The following PLSCR2 variants were observed in gnomAD, a reference collection of about 807,000 sequenced individuals.
The protein encoded by PLSCR2 is PL scramblase 2.
A neutral mutation model predicts 25.3 loss-of-function variants in PLSCR2; 18 were observed. The observed-to-expected ratio is 0.71, with a 90% CI of 0.49 to 1.06. The LOEUF is 1.06. PLSCR2 is among the 50% of genes least tolerant of loss of function. The pLI is 0.00. For missense variants in PLSCR2, 243 were observed against 269.5 expected (o/e 0.90, Z 0.69); for synonymous variants, 88 against 87.3 (o/e 1.01, Z -0.04).
rs377091006 is a variant in PLSCR2, at chr3:146,470,821, C to T, written c.-292-10537G>A. The stretch of plus-strand genomic sequence containing the variant: ...AGTTTGAATTCTTTCTTTTTTACTT[C>T]CTGTGCCTGTGACTTGTGAAAATTA... On this transcript the variant is annotated intron_variant, in intron 1 of 8. Transcript: ENST00000336685. Among the ~76,000 whole-genome samples the T allele has an allele frequency of 1.9e-3, 296 of 152,256 alleles. 12 individuals are homozygous for T. The South Asian group carries it at 0.06, about 31-fold the overall frequency.
intron 5 of PLSCR2, among the ~76,000 whole-genome samples, chr3:146,453,069 A>T (rs1473530692): frequency 6.6e-6 from 1 of 152,082 alleles, no homozygotes; most frequent in Non-Finnish European, 1.5e-5. Flanking sequence ...TCATCAGATT[A>T]TAAAGTTGAA....
rs1370087826 is a variant in PLSCR2 at position 146,458,992 on chromosome 3, T to G, written c.58-539A>C. Among the ~76,000 whole-genome samples the G allele has an allele frequency of 2.0e-5, 3 of 152,182 alleles. No homozygotes were observed. The East Asian group carries it at 5.8e-4, about 29-fold the overall frequency. Reference sequence around the variant, plus strand: ...GTTATTATAAAGAGTACAAGAGAGATAATTCATTTACTGAAAACTCATTGA... The same window carrying G: ...GTTATTATAAAGAGTACAAGAGAGAGAATTCATTTACTGAAAACTCATTGA... On this transcript the variant is annotated intron_variant, in intron 2 of 6. Transcript: ENST00000610787.
intron 1 of PLSCR2, among the ~76,000 whole-genome samples, chr3:146,467,368 CCAA>C (rs568832279): frequency 2.8e-4 from 43 of 152,124 alleles, no homozygotes; most frequent in African/African-American, 9.6e-4. Flanking sequence ...AAAACTTTTC[CCAA>C]CAACCCAGAC....
intron 2 of PLSCR2, among the ~76,000 whole-genome samples, chr3:146,396,324 TTC>T (rs891938429): frequency 3.6e-4 from 55 of 152,306 alleles, no homozygotes; most frequent in African/African-American, 1.3e-3. Context: ...TCATTTTTTT[TTC>T]TCTCTGTTAC....
intron 2 of PLSCR2, among the ~76,000 whole-genome samples, chr3:146,426,735 A>G (rs1300656638): frequency 6.6e-6 from 1 of 152,196 alleles, no homozygotes; most frequent in Non-Finnish European, 1.5e-5. Context: ...TTGTACAAGA[A>G]CTAACCTGAA....
intron 2 of PLSCR2, among the ~76,000 whole-genome samples, chr3:146,420,379 T>A (rs1367452485): frequency 6.6e-6 from 1 of 152,082 alleles, no homozygotes; most frequent in Non-Finnish European, 1.5e-5. Flanking sequence ...TACCTACTTA[T>A]TAATTTTTCT....
chr3:146,495,042 A>T (rs1560067393), intron 1 of PLSCR2: 1 of 152,190 alleles, frequency 6.6e-6, no homozygotes, highest in Non-Finnish European at 1.5e-5. Flanking sequence ...CCTAAAGAAG[A>T]GGAATGGCAG....
chr3:146,403,762 G>A (rs186364695), intron 2 of PLSCR2, among the ~76,000 whole-genome samples: 212 of 152,196 alleles, frequency 1.4e-3, no homozygotes, highest in Middle Eastern at 6.8e-3. Flanking sequence ...CACAGTTCTA[G>A]AGGCTTGGAA....
At chr3:146,463,423 G>A (rs1412996294), upstream of PLSCR2, among the ~76,000 whole-genome samples, 1 of 152,142 alleles carries the variant, frequency 6.6e-6, no homozygotes, top group African/African-American at 2.4e-5. Context: ...CCAAAGTGCT[G>A]GGATTACAGG....
chr3:146,407,016 C>T (rs1487826848), intron 2 of PLSCR2, among the ~76,000 whole-genome samples: 1 of 152,110 alleles, frequency 6.6e-6, no homozygotes, highest in East Asian at 1.9e-4. Context: ...GTGGCACCTT[C>T]CTATACATGA....
At chr3:146,433,423 G>A (rs2039626184) in exon 9 of PLSCR2, 1 of 152,046 alleles carries the variant, frequency 6.6e-6, no homozygotes, top group Non-Finnish European at 1.5e-5. Context: ...GATAGTGTGC[G>A]AGTTTTTCCT....
intron 3 of PLSCR2, among the ~76,000 whole-genome samples, chr3:146,394,730 T>C (rs2038214417): frequency 6.6e-6 from 1 of 152,260 alleles, no homozygotes. Context: ...TGATGACTGA[T>C]ATGGTTTGGC....
intron 1 of PLSCR2, among the ~76,000 whole-genome samples, chr3:146,478,419 C>A (rs935435415): frequency 2.6e-5 from 4 of 152,090 alleles, no homozygotes; most frequent in African/African-American, 7.2e-5. Flanking sequence ...GAGGTAAAAA[C>A]CATGGCATGA....
chr3:146,395,637 A>C (rs1474628470), intron 3 of PLSCR2: 1 of 156,196 alleles, frequency 6.4e-6, no homozygotes, highest in Non-Finnish European at 1.4e-5. Flanking sequence ...TCGGGGACTG[A>C]GGATGGCCAG....
At chr3:146,483,509 A>ATATATAC (rs1553791539) in intron 1 of PLSCR2, among the ~76,000 whole-genome samples, 3 of 127,056 alleles carry the variant, frequency 2.4e-5, no homozygotes, top group Admixed American at 7.9e-5. Flanking sequence ...ATATATATAT[A>ATATATAC]ATGTTACTAC....
intron 8 of PLSCR2, among the ~76,000 whole-genome samples, chr3:146,436,681 T>C (rs545780932): frequency 1.9e-4 from 29 of 152,232 alleles, no homozygotes; most frequent in African/African-American, 7.0e-4. Context: ...TGGGCTGAGA[T>C]GATGGGGTTT....
At chr3:146,461,958 TAAA>T, upstream of PLSCR2, 4 of 1,172,124 alleles carry the variant, frequency 3.4e-6, no homozygotes, top group South Asian at 1.8e-5. Flanking sequence ...TTTCATAAGC[TAAA>T]AAAAAAAATG....
At chr3:146,416,832 G>A (rs1238929547) in intron 2 of PLSCR2, among the ~76,000 whole-genome samples, 1 of 152,112 alleles carries the variant, frequency 6.6e-6, no homozygotes, top group Non-Finnish European at 1.5e-5. Context: ...GGAATTTTAG[G>A]AGTACAAGTA....
At chr3:146,462,010 A>G, upstream of PLSCR2, 1 of 798,304 alleles carries the variant, frequency 1.3e-6, no homozygotes, top group Middle Eastern at 2.7e-4. Flanking sequence ...TATTATAGGG[A>G]GGAAATTAAA....
Sources: allele counts gnomAD v4.1 joint callset (sites outside exome capture counted in the v4.1 genomes callset), GRCh38; gene constraint gnomAD v4.1.1; transcripts MANE v1.5; gene names NCBI Gene and HGNC (gene_info 2026-07-23, HGNC 2026-07-21).